The following VAV2 variants were observed in gnomAD, a reference collection of about 807,000 sequenced individuals.
VAV2 encodes vav guanine nucleotide exchange factor 2.
A neutral mutation model predicts 132.5 loss-of-function variants in VAV2; 67 were observed. The ratio of observed to expected loss-of-function variants is 0.51; its 90% CI spans 0.42 to 0.62. The LOEUF is 0.62. Ranked by LOEUF, VAV2 falls within the 20% of genes least tolerant of loss-of-function variation. The pLI, the probability that VAV2 is intolerant of heterozygous loss-of-function variation, is 0.00. For missense variants in VAV2, 938 were observed against 1,153.6 expected, an observed-to-expected ratio of 0.81 and a Z score of 2.71; for synonymous variants, 492 against 443.5, an observed-to-expected ratio of 1.11 and a Z score of -1.37.
intron 1 of VAV2, among the ~76,000 whole-genome samples, chr9:133,945,579 C>T (rs749088891): frequency 2.6e-5 from 4 of 152,226 alleles, no homozygotes; most frequent in Admixed American, 2.0e-4. Context: ...AGGCCCATGC[C>T]CGGGAAAGTC....
chr9:133,807,787 C>T (rs1174460042), intron 7 of VAV2, among the ~76,000 whole-genome samples: 1 of 152,252 alleles, frequency 6.6e-6, no homozygotes, highest in Non-Finnish European at 1.5e-5. Context: ...CTCTCCACCC[C>T]GAGGAGTGCC....
intron 2 of VAV2, among the ~76,000 whole-genome samples, chr9:133,937,541 T>A (rs202071547): frequency 5.3e-4 from 31 of 58,974 alleles, no homozygotes; most frequent in East Asian, 2.5e-3. Context: ...TGTGTGAGAG[T>A]GTGTGTGTGT....
At chr9:133,977,556 C>G (rs77503893) in intron 1 of VAV2, among the ~76,000 whole-genome samples, 1 of 152,172 alleles carries the variant, frequency 6.6e-6, no homozygotes, top group African/African-American at 2.4e-5. Flanking sequence ...TCACCCTCCA[C>G]GCATGACAGC....
intron 1 of VAV2, among the ~76,000 whole-genome samples, chr9:133,977,191 C>A (rs894903596): frequency 6.6e-6 from 1 of 152,228 alleles, no homozygotes; most frequent in Non-Finnish European, 1.5e-5. Flanking sequence ...GAGGCCCCCC[C>A]AGCATCCCAC....
rs767604033 is a variant in VAV2, at chr9:133,779,902, G to A, written c.1762+16C>T. The A allele has an allele frequency of 4.3e-6, 7 of 1,611,056 alleles. No homozygotes were observed. The East Asian group carries it at 8.9e-5, about 21-fold the overall frequency. On this transcript the variant is annotated intron_variant, in intron 21 of 29. Coordinates refer to ENST00000371850, the MANE Select transcript of VAV2 (RefSeq NM_001134398.2). ...GACATGGGTGATAGCAGAGGGCCCA[G>A]GTCCAGAAGACTCACCTGGTCCCGC...
At chr9:133,972,194 G>A (rs1479617026) in intron 1 of VAV2, among the ~76,000 whole-genome samples, 2 of 152,204 alleles carry the variant, frequency 1.3e-5, no homozygotes, top group East Asian at 1.9e-4. Flanking sequence ...TGACTGCTTC[G>A]AAAGGTGAGG....
chr9:133,965,989 AGTCAACTCATT>A (rs534392338), intron 1 of VAV2, among the ~76,000 whole-genome samples: 47 of 152,364 alleles, frequency 3.1e-4, no homozygotes, highest in Non-Finnish European at 4.7e-4. Context: ...ACACATTTAC[AGTCAACTCATT>A]TTCAACAAAG....
Position 133,763,342 on chromosome 9 carries a change from C to T in VAV2, c.*720G>A, listed in dbSNP as rs1833324765. 6.6e-6 allele frequency: 1 copy of T among 152,238 alleles called. No individual in the cohort carries two copies. Among genetic ancestry groups the T allele is most frequent in the African/African-American group, 2.4e-5 (1 of 41,440 alleles). 9.4% of individuals were successfully genotyped at this position (152,238 alleles called of 1,614,324 possible). Reference sequence around the variant, plus strand: ...AGAGGGCAGGAAACGGTACCGCTGACCGGGCAGCAGGGTTGGAATTTCATC... The same window carrying T: ...AGAGGGCAGGAAACGGTACCGCTGATCGGGCAGCAGGGTTGGAATTTCATC... On this transcript the variant is annotated 3_prime_UTR_variant, in exon 30 of 30. Coordinates refer to ENST00000371850, the MANE Select transcript of VAV2 (RefSeq NM_001134398.2). This position sits in a 1 kb window ranked among gnomAD's most constrained non-coding sequence, Gnocchi z 6.8.
rs775259393 is a variant in VAV2, at chr9:133,820,325, TTTTC to T, written c.450-8113_450-8110del. Reference sequence around the variant, plus strand: ...TCTCCATAAACAAGTTTCTTTTTCTTTTTCTTTTTTTTTTTTTTGAGACGGAGTC... The same window carrying T: ...TCTCCATAAACAAGTTTCTTTTTCTTTTTTTTTTTTTTTTGAGACGGAGTC... On this transcript the variant is annotated intron_variant, in intron 4 of 29. Coordinates refer to ENST00000371850, the MANE Select transcript of VAV2 (RefSeq NM_001134398.2). Among the ~76,000 whole-genome samples the T allele has an allele frequency of 1.5e-4, 20 of 134,658 alleles. No individual in the cohort carries two copies. The South Asian group carries it at 2.1e-3, about 14-fold the overall frequency. The allele number at this position is 134,658 out of a possible 152,430, so 88.3% of individuals were successfully genotyped here. A position where few individuals can be genotyped will look rare whatever the true frequency, so the allele number is the denominator to read the frequency against.
intron 4 of VAV2, among the ~76,000 whole-genome samples, chr9:133,814,977 C>G (rs1169806856): frequency 6.6e-6 from 1 of 152,160 alleles, no homozygotes; most frequent in African/African-American, 2.4e-5. Flanking sequence ...CCGGCTCTGA[C>G]AAGGCCTGAA....
chr9:133,796,596 CCA>C, intron 10 of VAV2, 72 bp from the exon 11 acceptor site: 1 of 1,390,758 alleles, frequency 7.2e-7, no homozygotes, highest in South Asian at 1.3e-5. Flanking sequence ...GTACCCCCGC[CCA>C]CAGAGAGGGG....
intron 3 of VAV2, among the ~76,000 whole-genome samples, chr9:133,851,267 C>G (rs1358289052): frequency 6.6e-6 from 1 of 152,176 alleles, no homozygotes; most frequent in African/African-American, 2.4e-5. Context: ...CGGGAGATCC[C>G]CATTTGCAGA....
intron 3 of VAV2, among the ~76,000 whole-genome samples, chr9:133,851,750 A>G (rs957807514): frequency 2.2e-5 from 3 of 136,802 alleles, no homozygotes; most frequent in African/African-American, 9.2e-5. Flanking sequence ...GTGGATGGGT[A>G]TATTGGGTGG....
At chr9:133,850,034 G>A (rs984390915) in intron 3 of VAV2, among the ~76,000 whole-genome samples, 36 of 152,304 alleles carry the variant, frequency 2.4e-4, no homozygotes, top group African/African-American at 7.2e-4. Flanking sequence ...GGAAAGCCAG[G>A]GGACCCGGAT....
chr9:133,980,044 G>C (rs1343962054), intron 1 of VAV2, among the ~76,000 whole-genome samples: 2 of 152,230 alleles, frequency 1.3e-5, no homozygotes. Context: ...ACACAGAGTA[G>C]GGTGGAGAAC....
intron 2 of VAV2, among the ~76,000 whole-genome samples, chr9:133,910,740 C>T (rs1292150582): frequency 1.3e-5 from 2 of 148,216 alleles, no homozygotes; most frequent in Non-Finnish European, 3.0e-5. Context: ...AGGAGAATGG[C>T]GTGAACCCGG....
At position 133,788,222 on chromosome 9, in the gene VAV2, G is replaced by A. The variant is rs922736429; in HGVS notation, c.1407+132C>T. The A allele has an allele frequency of 2.1e-5, 13 of 618,200 alleles. No individual in the cohort carries two copies. Among genetic ancestry groups the A allele is most frequent in the South Asian group, 1.0e-4 (6 of 57,952 alleles). 38.3% of individuals were successfully genotyped at this position (618,200 alleles called of 1,614,324 possible). A position where few individuals can be genotyped will look rare whatever the true frequency, so the allele number is the denominator to read the frequency against. On this transcript the variant is annotated intron_variant, in intron 15 of 29. Transcript: ENST00000371850. The surrounding 1 kb of genome is among the most constrained non-coding windows in gnomAD (Gnocchi z 5.3). ...AGGAGCCTTCCTGCAGAGCGGAGAC[G>A]CCCACCCCAACCCACCCGGCCAGCA...
intron 2 of VAV2, among the ~76,000 whole-genome samples, chr9:133,889,026 A>T (rs528166042): frequency 2.0e-5 from 3 of 152,096 alleles, no homozygotes; most frequent in Non-Finnish European, 4.4e-5. Context: ...GGGAAGCCTC[A>T]CTTCTGAGGA....
chr9:133,792,630 G>C (rs554590178), intron 12 of VAV2, among the ~76,000 whole-genome samples: 1 of 151,702 alleles, frequency 6.6e-6, no homozygotes, highest in Admixed American at 6.6e-5. Flanking sequence ...GTGTGTGAGC[G>C]TGTGTGTGCA....
Sources: allele counts gnomAD v4.1 joint callset (sites outside exome capture counted in the v4.1 genomes callset), GRCh38; gene constraint gnomAD v4.1.1; non-coding constraint Gnocchi (gnomAD v3.1); transcripts MANE v1.5; gene names NCBI Gene and HGNC (gene_info 2026-07-23, HGNC 2026-07-21).